The following GSN variants were observed in gnomAD, a reference collection of about 807,000 sequenced individuals.
The protein encoded by GSN is gelsolin, also known as actin-depolymerizing factor.
Under a neutral mutation model 85.7 loss-of-function variants are expected in GSN, and 56 were observed. That is an observed-to-expected ratio of 0.65 (90% CI 0.53 to 0.82). The LOEUF is 0.82. GSN is among the 40% of genes least tolerant of loss of function. The pLI is 0.00. For synonymous variants in GSN, 373 were observed against 399.1 expected (o/e 0.93, Z 0.78); for missense variants, 857 against 979.8 (o/e 0.87, Z 1.67).
rs377380025 is a variant in GSN, at chr9:121,220,680, AT to A, written c.-528+9815del. The stretch of plus-strand genomic sequence containing the variant: ...TAGTGAGATAGTTATTCTATTTTCA[AT>A]TATTTTCCCTTCCTTTTGATTAAAT... On this transcript the variant is annotated intron_variant, in intron 4 of 24. Coordinates refer to the GSN transcript ENST00000373823. Among the ~76,000 whole-genome samples the A allele has an allele frequency of 2.6e-5, 4 of 152,328 alleles. No individual in the cohort carries two copies. The East Asian group carries it at 7.7e-4, about 29-fold the overall frequency.
At chr9:121,281,368 C>T (rs1281386956) in intron 1 of GSN, 102 bp from the exon 2 acceptor site, 4 of 349,892 alleles carry the variant, frequency 1.1e-5, no homozygotes, top group Non-Finnish European at 2.3e-5. Flanking sequence ...ATTGTGTGAC[C>T]CCTGGTGGAG....
chr9:121,324,413 T>C (rs1041032168), intron 11 of GSN, 141 bp from the exon 12 acceptor site: 15 of 671,254 alleles, frequency 2.2e-5, no homozygotes, highest in Middle Eastern at 7.2e-4. Flanking sequence ...CTGGCTCTCG[T>C]TGTTCTGAAA....
intron 4 of GSN, among the ~76,000 whole-genome samples, chr9:121,214,190 T>TTTCCTTCC (rs60742470): frequency 2.6e-5 from 4 of 151,560 alleles, no homozygotes; most frequent in Non-Finnish European, 5.9e-5. Context: ...TCCTCCTTTC[T>TTTCCTTCC]TTCCTTCCTT....
chr9:121,322,723 T>C (rs142001405), intron 11 of GSN, among the ~76,000 whole-genome samples: 2 of 152,350 alleles, frequency 1.3e-5, no homozygotes, highest in African/African-American at 2.4e-5. Flanking sequence ...GGTCAAACTT[T>C]TGGGCGTTTG....
chr9:121,244,011 C>T (rs908333208), intron 5 of GSN, among the ~76,000 whole-genome samples: 3 of 152,230 alleles, frequency 2.0e-5, no homozygotes, highest in Non-Finnish European at 4.4e-5. Context: ...CAAACCACCC[C>T]CTTGGCTTAG....
chr9:121,215,441 C>T (rs2054045248), intron 4 of GSN, among the ~76,000 whole-genome samples: 2 of 152,146 alleles, frequency 1.3e-5, no homozygotes, highest in South Asian at 4.1e-4. Context: ...CACTTATAAT[C>T]CCAGCACTTT....
At chr9:121,319,654 T>C (rs2062160220) in intron 10 of GSN, among the ~76,000 whole-genome samples, 2 of 151,914 alleles carry the variant, frequency 1.3e-5, no homozygotes, top group Admixed American at 6.6e-5. Flanking sequence ...TGAAAATGGG[T>C]TGGAATATGA....
chr9:121,278,118 C>T (rs1016004775), intron 1 of GSN, among the ~76,000 whole-genome samples: 12 of 150,720 alleles, frequency 8.0e-5, no homozygotes, highest in African/African-American at 2.2e-4. Flanking sequence ...GAGGTCAAGA[C>T]GTAGGGGAGG....
chr9:121,300,104 T>A, intron 2 of GSN: 1 of 1,611,118 alleles, frequency 6.2e-7, no homozygotes, highest in Non-Finnish European at 8.5e-7. Flanking sequence ...AGGTCTAGAA[T>A]GGAAAAACTG....
chr9:121,269,016 C>T (rs2055501648), intron 1 of GSN, among the ~76,000 whole-genome samples: 1 of 152,216 alleles, frequency 6.6e-6, no homozygotes, highest in South Asian at 2.1e-4. Flanking sequence ...TGGCTTTCTT[C>T]CTAGCTCCTT....
rs375842066 is a variant in GSN at position 121,301,645 on chromosome 9, GA to G, written c.-9-311del. Among the ~76,000 whole-genome samples the G allele has an allele frequency of 1.5e-4, 21 of 143,800 alleles. No homozygotes were observed. The East Asian group carries it at 3.6e-3, about 25-fold the overall frequency. The allele number at this position is 143,800 out of a possible 152,430, so 94.3% of individuals were successfully genotyped here. A position where few individuals can be genotyped will look rare whatever the true frequency, so the allele number is the denominator to read the frequency against. ...TGTCTCAAAAAAAAAAAAAAAAAAA[GA>G]AAAAAAGAAAGAAAGAAAAGAAAGG... is the stretch of plus-strand genomic sequence containing the variant. On this transcript the variant is annotated intron_variant, in intron 2 of 17. Coordinates refer to ENST00000432226, the MANE Select transcript of GSN (RefSeq NM_198252.3).
At position 121,327,367 on chromosome 9, in the gene GSN, A is replaced by G. The variant is rs1589227416; in HGVS notation, c.1647A>G (p.Ser549=). Reference sequence around the variant, plus strand: ...ATGCCTTTGTTCTGAAAACCCCCTCAGCCGCCTACCTGTGGGTGGGTACAG... The same window carrying G: ...ATGCCTTTGTTCTGAAAACCCCCTCGGCCGCCTACCTGTGGGTGGGTACAG... ...SNDAFVLKTP[S]AAYLWVGTGA... Residue 549 remains serine, a synonymous_variant, in exon 14 of 18, where the codon TCA becomes TCG. Transcript: ENST00000432226. 6.2e-7 allele frequency: 1 copy of G among 1,613,940 alleles called. No homozygotes were observed. Among genetic ancestry groups the G allele is most frequent in the South Asian group, 1.1e-5 (1 of 91,046 alleles).
intron 6 of GSN, among the ~76,000 whole-genome samples, chr9:121,251,788 GTC>G (rs776473742): frequency 3.3e-5 from 5 of 151,868 alleles, no homozygotes; most frequent in Non-Finnish European, 7.4e-5. Context: ...GTGAAACCCT[GTC>G]TCTATTAAAA....
At chr9:121,287,460 C>CA (rs2058251868) in intron 2 of GSN, among the ~76,000 whole-genome samples, 1 of 152,052 alleles carries the variant, frequency 6.6e-6, no homozygotes, top group Non-Finnish European at 1.5e-5. Flanking sequence ...CCTACAGACT[C>CA]AGAGGCTAGG....
chr9:121,243,776 C>T (rs1040781629), intron 5 of GSN, among the ~76,000 whole-genome samples: 1 of 152,158 alleles, frequency 6.6e-6, no homozygotes, highest in African/African-American at 2.4e-5. Flanking sequence ...CAGGGTTTCA[C>T]CAGGTTGGCC....
rs781410046 is a variant in GSN, at chr9:121,317,090, C to T, written c.758C>T (p.Ser253Phe). 36 of 1,614,178 alleles carry T rather than the reference C, an allele frequency of 2.2e-5. No individual in the cohort carries two copies. The highest frequency in any genetic ancestry group is 2.9e-5 in the Non-Finnish European group (34 of 1,180,034). Residue 253 changes from serine (S) to phenylalanine (F), a missense_variant, in exon 8 of 18, where the codon TCC (serine) becomes TTC (phenylalanine). Transcript: ENST00000432226. ...NRKLAKLYKV[S>F]NGAGTMSVSL... ...CCTTCTGCTTCGTCCCCTCAGGTCTCCAATGGTGCAGGGACCATGTCCGTC... is the reference window on the plus strand; with the variant it reads ...CCTTCTGCTTCGTCCCCTCAGGTCTTCAATGGTGCAGGGACCATGTCCGTC...
intron 6 of GSN, among the ~76,000 whole-genome samples, chr9:121,254,414 TTCTC>T (rs2054905805): frequency 6.6e-6 from 1 of 152,186 alleles, no homozygotes; most frequent in Non-Finnish European, 1.5e-5. Flanking sequence ...TGTAAGTTCT[TTCTC>T]TTCCCTTTTC....
In GSN at chr9:121,326,515, C is replaced by T. The variant is rs138341672; in HGVS notation, c.1420C>T (p.Arg474Cys). 3.0e-5 allele frequency: 48 copies of T among 1,613,588 alleles called. No individual in the cohort carries two copies. Among genetic ancestry groups the T allele is most frequent in the Admixed American group, 2.0e-4 (12 of 60,008 alleles). The change falls in exon 13 of 18, where the codon CGT (arginine) becomes TGT (cysteine). Residue 474 changes from arginine (R) to cysteine (C), a missense_variant. By Grantham distance (180) the Arg-to-Cys change is radical. Coordinates refer to ENST00000432226, the MANE Select transcript of GSN (RefSeq NM_198252.3). ...TGCTCTCCTGTCTCCCTGCCAGAGC[C>T]GTGTGGTCCAAGGCAAGGAGCCCGC... is the stretch of plus-strand genomic sequence containing the variant. Reference protein sequence around the residue: ...EELGGTPVQSRVVQGKEPAHL... With the variant: ...EELGGTPVQSCVVQGKEPAHL...
chr9:121,310,058 AAAG>A (rs2060906423), intron 4 of GSN: 1 of 154,174 alleles, frequency 6.5e-6, no homozygotes, highest in African/African-American at 2.4e-5. Flanking sequence ...AGAATGAAAG[AAAG>A]AAAAAAAGAA....
Sources: allele counts gnomAD v4.1 joint callset (sites outside exome capture counted in the v4.1 genomes callset), GRCh38; gene constraint gnomAD v4.1.1; transcripts MANE v1.5; gene names NCBI Gene and HGNC (gene_info 2026-07-23, HGNC 2026-07-21).